Variants in ATP2A2 observed in about 807,000 individuals in gnomAD.
The protein encoded by ATP2A2 is sarcoplasmic/endoplasmic reticulum calcium ATPase 2.
A neutral mutation model predicts 109.3 loss-of-function variants in ATP2A2; 14 were observed. The ratio of observed to expected loss-of-function variants is 0.13; its 90% CI spans 0.08 to 0.20. ATP2A2 has a LOEUF of 0.20. Ranked by LOEUF, ATP2A2 falls within the 10% of genes least tolerant of loss-of-function variation. The pLI, the probability that ATP2A2 is intolerant of heterozygous loss-of-function variation, is 1.00. For synonymous variants in ATP2A2, 506 were observed against 490.9 expected (o/e 1.03, Z -0.41); for missense variants, 657 against 1,321.6 (o/e 0.50, Z 7.80).
In ATP2A2 at chr12:110,348,943, C is replaced by G; in HGVS notation, c.*2473C>G. On this transcript the variant is annotated 3_prime_UTR_variant, in exon 20 of 20. Transcript: ENST00000539276. ...GCTATTCCGTGCAAACAAAACTCAG[C>G]TTTTCCTGACTCAGTTCCTTGACTT... 2 of 985,468 alleles carry G rather than the reference C, an allele frequency of 2.0e-6. No homozygotes were observed. The highest frequency in any genetic ancestry group is 2.4e-6 in the Non-Finnish European group (2 of 829,950). 61.0% of individuals were successfully genotyped at this position (985,468 alleles called of 1,614,324 possible).
intron 5 of ATP2A2, among the ~76,000 whole-genome samples, chr12:110,310,090 G>C (rs772448097): frequency 3.9e-5 from 6 of 151,924 alleles, no homozygotes; most frequent in Admixed American, 1.3e-4. Flanking sequence ...ATTATCTGCT[G>C]ACATGAAAGT....
chr12:110,292,162 T>C (rs754160249), intron 4 of ATP2A2, 38 bp downstream of exon 4: 1 of 1,411,242 alleles, frequency 7.1e-7, no homozygotes, highest in Non-Finnish European at 1.0e-6. Flanking sequence ...TTTCAATAAG[T>C]TATGTAAGTG....
intron 3 of ATP2A2, among the ~76,000 whole-genome samples, chr12:110,283,862 A>G (rs1368539789): frequency 6.6e-6 from 1 of 152,204 alleles, no homozygotes; most frequent in African/African-American, 2.4e-5. Context: ...ATAGAGGGCT[A>G]TTTTGAGAAC....
chr12:110,332,807 C>A, intron 9 of ATP2A2, 122 bp downstream of exon 9: 1 of 904,986 alleles, frequency 1.1e-6, no homozygotes, highest in Non-Finnish European at 1.9e-6. Context: ...ACACTTATTA[C>A]TAAAGTAGTA....
At position 110,339,625 on chromosome 12, in the gene ATP2A2, C is replaced by T. The variant is rs751161679; in HGVS notation, c.1665C>T (p.Ser555=). ...MSVIREWGSG[S]DTLRCLALAT... ...TCATTCGAGAGTGGGGTAGTGGCAG[C>T]GACACACTGCGATGCCTGGCCCTGG... is the stretch of plus-strand genomic sequence containing the variant. Residue 555 remains serine (S), a synonymous_variant, in exon 13 of 20, where the codon AGC becomes AGT. Transcript: ENST00000539276. The surrounding 1 kb of genome is among the most constrained non-coding windows in gnomAD (Gnocchi z 4.4). The T allele has an allele frequency of 1.5e-5, 25 of 1,613,596 alleles. No homozygotes were observed. Among genetic ancestry groups the T allele is most frequent in the Non-Finnish European group, 1.9e-5 (22 of 1,179,986 alleles).
At position 110,288,690 on chromosome 12, in the gene ATP2A2, C is replaced by T. The variant is rs576302598; in HGVS notation, c.220-3330C>T. 2.6e-5 allele frequency among the ~76,000 whole-genome samples: 4 copies of T among 152,294 alleles called. No individual in the cohort carries two copies. In the South Asian group the frequency reaches 6.2e-4, roughly 24 times the overall value. ...AAAGTGCTGTGATTACAGGTGTGAG[C>T]CACTGCTCCTGGCTTGAAACAGATA... On this transcript the variant is annotated intron_variant, in intron 3 of 19. Transcript: ENST00000539276.
In ATP2A2 at chr12:110,340,591, C is replaced by A; in HGVS notation, c.1762-68C>A. Reference sequence around the variant, plus strand: ...AAACCTGTCTCAATGTTTAACTGGGCATTTTTCAAACTAGGGGACAAAAAC... The same window carrying A: ...AAACCTGTCTCAATGTTTAACTGGGAATTTTTCAAACTAGGGGACAAAAAC... On this transcript the variant is annotated intron_variant, in intron 13 of 19. Coordinates refer to ENST00000539276, the MANE Select transcript of ATP2A2 (RefSeq NM_170665.4). This position sits in a 1 kb window ranked among gnomAD's most constrained non-coding sequence, Gnocchi z 6.0. 6.6e-7 allele frequency: 1 copy of A among 1,510,130 alleles called. No homozygotes were observed. The highest frequency in any genetic ancestry group is 9.2e-7 in the Non-Finnish European group (1 of 1,092,854). The allele number at this position is 1,510,130 out of a possible 1,614,324, so 93.5% of individuals were successfully genotyped here.
At chr12:110,343,706 G>C (rs1456087412) in intron 16 of ATP2A2, among the ~76,000 whole-genome samples, 2 of 152,214 alleles carry the variant, frequency 1.3e-5, no homozygotes, top group Non-Finnish European at 2.9e-5. Flanking sequence ...TCTGTGCAAA[G>C]GGATAAGAAT....
chr12:110,281,837 C>A lies in ATP2A2; in HGVS notation c.48C>A (p.Phe16Leu). 6.4e-7 allele frequency: 1 copy of A among 1,564,196 alleles called. No individual in the cohort carries two copies. The highest frequency in any genetic ancestry group is 8.6e-7 in the Non-Finnish European group (1 of 1,156,950). Residue 16 changes from phenylalanine to leucine, a missense_variant, in exon 1 of 20, where the codon TTC becomes TTA. Phe to Leu is a conservative substitution (Grantham distance 22, BLOSUM62 0). Around this residue, in one of 9 missense-constraint regions of ATP2A2, gnomAD observed 64 missense variants for 65.4 expected, o/e 0.98. Transcript: ENST00000539276. ...CGGTGGAGGAGGTGCTGGGCCACTT[C>A]GGCGTCAACGAGAGTACGGGGCTGA... ...TKTVEEVLGH[F>L]GVNESTGLSL...
intron 5 of ATP2A2, among the ~76,000 whole-genome samples, chr12:110,315,028 G>A (rs373755683): frequency 2.0e-5 from 3 of 152,056 alleles, no homozygotes; most frequent in East Asian, 1.9e-4. Context: ...CACCATGCCC[G>A]GCTAATTTTT....
At chr12:110,345,187 G>T in intron 17 of ATP2A2, 62 bp from the exon 18 acceptor site, 1 of 1,612,860 alleles carries the variant, frequency 6.2e-7, no homozygotes, top group Admixed American at 1.7e-5. Flanking sequence ...TTGGTATGGG[G>T]TTGGAGCCTG....
At chr12:110,343,006 C>T (rs149221147) in intron 15 of ATP2A2, among the ~76,000 whole-genome samples, 186 of 152,276 alleles carry the variant, frequency 1.2e-3, no homozygotes, top group African/African-American at 4.4e-3. Context: ...TCCCAAAGTG[C>T]TGGGATTACA....
At chr12:110,319,690 T>C (rs529129375) in intron 5 of ATP2A2, among the ~76,000 whole-genome samples, 31 of 150,412 alleles carry the variant, frequency 2.1e-4, no homozygotes, top group Non-Finnish European at 4.0e-4. Context: ...ATTTATACTA[T>C]AGGACCAATA....
chr12:110,282,516 T>A, intron 1 of ATP2A2, 88 bp from the exon 2 acceptor site: 1 of 1,518,474 alleles, frequency 6.6e-7, no homozygotes, highest in Non-Finnish European at 9.1e-7. Context: ...CAGTTCTTTT[T>A]AGAAAAACGA....
At chr12:110,328,462 G>A (rs1477372086) in intron 8 of ATP2A2, among the ~76,000 whole-genome samples, 13 of 152,212 alleles carry the variant, frequency 8.5e-5, no homozygotes, top group African/African-American at 2.4e-4. Context: ...CCAGCTACTC[G>A]AGAGGCTGAG....
At chr12:110,314,649 A>AT (rs1331782871) in intron 5 of ATP2A2, among the ~76,000 whole-genome samples, 1 of 152,194 alleles carries the variant, frequency 6.6e-6, no homozygotes, top group Non-Finnish European at 1.5e-5. Context: ...AGTAAAGATA[A>AT]TAGATCCCTC....
At position 110,348,983 on chromosome 12, in the gene ATP2A2, A is replaced by G. The variant is rs1880143856; in HGVS notation, c.*2513A>G. 1 of 985,446 alleles carries G rather than the reference A, an allele frequency of 1.0e-6. No homozygotes were observed. The highest frequency in any genetic ancestry group is 1.2e-6 in the Non-Finnish European group (1 of 829,954). The allele number at this position is 985,446 out of a possible 1,614,324, so 61.0% of individuals were successfully genotyped here. ...TTCCTTGACTTAGTGGCCTTTACAAAAAAAGTTGAGTAGTGTGTGGCCTGC... is the reference window on the plus strand; with the variant it reads ...TTCCTTGACTTAGTGGCCTTTACAAGAAAAGTTGAGTAGTGTGTGGCCTGC... On this transcript the variant is annotated 3_prime_UTR_variant, in exon 20 of 20. Transcript: ENST00000539276.
At chr12:110,344,598 C>T (rs1390924665) in intron 16 of ATP2A2, among the ~76,000 whole-genome samples, 3 of 152,190 alleles carry the variant, frequency 2.0e-5, no homozygotes, top group Non-Finnish European at 2.9e-5. Context: ...GGAGAAGGCA[C>T]GGCAAGGGGA....
At chr12:110,332,890 G>T (rs1028711380) in intron 9 of ATP2A2, among the ~76,000 whole-genome samples, 2 of 152,176 alleles carry the variant, frequency 1.3e-5, no homozygotes, top group Non-Finnish European at 2.9e-5. Flanking sequence ...CATCTTCTGG[G>T]CTCCAAACTT....
Sources: gnomAD v4.1 joint callset for allele counts (sites outside exome capture counted in the v4.1 genomes callset) on GRCh38, gnomAD v4.1.1 for gene constraint, gnomAD v4.1.1 regional missense constraint, Gnocchi (gnomAD v3.1) non-coding constraint, MANE v1.5 for transcripts, NCBI Gene and HGNC (gene_info 2026-07-23, HGNC 2026-07-21) for gene names.